Variants in SLC22A3 observed in about 807,000 individuals in gnomAD.
SLC22A3 encodes solute carrier family 22 member 3, also known as EMT organic cation transporter 3.
Under a neutral mutation model 59.1 loss-of-function variants are expected in SLC22A3, and 51 were observed. That is an observed-to-expected ratio of 0.86 (90% CI 0.69 to 1.09). SLC22A3 has a LOEUF of 1.09. Among genes scored for constraint, SLC22A3 ranks in the 50% least tolerant of loss-of-function variants. The pLI, the probability that SLC22A3 is intolerant of heterozygous loss-of-function variation, is 0.00. For synonymous variants in SLC22A3, 325 were observed against 292.0 expected (o/e 1.11, Z -1.15); for missense variants, 711 against 726.3 (o/e 0.98, Z 0.24).
chr6:160,372,912 G>A (rs1439822879), intron 1 of SLC22A3, among the ~76,000 whole-genome samples: 2 of 151,082 alleles, frequency 1.3e-5, no homozygotes, highest in Admixed American at 6.6e-5. Context: ...CTTTTTTCAA[G>A]GTTCTTAGCT....
intron 1 of SLC22A3, among the ~76,000 whole-genome samples, chr6:160,380,567 C>A (rs1475046096): frequency 6.6e-6 from 1 of 152,006 alleles, no homozygotes; most frequent in African/African-American, 2.4e-5. Flanking sequence ...GGCATAAATA[C>A]ATAGACAAAG....
At chr6:160,449,260 G>A (rs1788861389) in intron 10 of SLC22A3, among the ~76,000 whole-genome samples, 1 of 152,078 alleles carries the variant, frequency 6.6e-6, no homozygotes, top group Non-Finnish European at 1.5e-5. Flanking sequence ...GTGGGTGGAA[G>A]GGGGTTGTCT....
rs1788953216 is a variant in SLC22A3, at chr6:160,451,268, A to T, written c.*212A>T. On this transcript the variant is annotated 3_prime_UTR_variant, in exon 11 of 11. Transcript: ENST00000275300. ...GTTGAAGTTTCTGGGAACACATAATATGTAGCCAGTTTAACAAAGAAGCTG... is the reference window on the plus strand; with the variant it reads ...GTTGAAGTTTCTGGGAACACATAATTTGTAGCCAGTTTAACAAAGAAGCTG... The T allele has an allele frequency of 1.8e-6, 1 of 552,050 alleles. No individual in the cohort carries two copies. Among genetic ancestry groups the T allele is most frequent in the Non-Finnish European group, 3.2e-6 (1 of 308,368 alleles). The allele number at this position is 552,050 out of a possible 1,614,324, so 34.2% of individuals were successfully genotyped here.
chr6:160,396,488 A>G (rs1317812635), intron 1 of SLC22A3, among the ~76,000 whole-genome samples: 1 of 152,192 alleles, frequency 6.6e-6, no homozygotes, highest in Non-Finnish European at 1.5e-5. Flanking sequence ...TAAAGAATTG[A>G]GTAACATTTC....
intron 5 of SLC22A3, among the ~76,000 whole-genome samples, chr6:160,428,007 A>C (rs1191265495): frequency 6.6e-6 from 1 of 152,216 alleles, no homozygotes; most frequent in African/African-American, 2.4e-5. Flanking sequence ...CTTTAGAGTT[A>C]GAGTTTTAGA....
At chr6:160,371,662 T>C (rs1360915381) in intron 1 of SLC22A3, among the ~76,000 whole-genome samples, 2 of 152,208 alleles carry the variant, frequency 1.3e-5, no homozygotes, top group Non-Finnish European at 2.9e-5. Context: ...AGCGTGTTTC[T>C]AGTAGAGTGA....
intron 1 of SLC22A3, among the ~76,000 whole-genome samples, chr6:160,372,126 C>T (rs1026971960): frequency 1.4e-4 from 22 of 152,046 alleles, no homozygotes; most frequent in Admixed American, 1.2e-3. Flanking sequence ...TTGTAGGTCT[C>T]GAAGAACTTG....
Position 160,444,441 on chromosome 6 carries a change from C to A in SLC22A3, c.1510+699C>A, listed in dbSNP as rs187321112. 1.9e-4 allele frequency among the ~76,000 whole-genome samples: 29 copies of A among 152,306 alleles called. No homozygotes were observed. In the East Asian group the frequency reaches 5.6e-3, roughly 29 times the overall value. On this transcript the variant is annotated intron_variant, in intron 9 of 10. Coordinates refer to ENST00000275300, the MANE Select transcript of SLC22A3 (RefSeq NM_021977.4). ...TCTCTCTCTATGGATATCATATCTT[C>A]ATTGGCCCGATGCTAAAAATCCATG... is the stretch of plus-strand genomic sequence containing the variant.
chr6:160,381,871 T>C (rs1785810999), intron 1 of SLC22A3, among the ~76,000 whole-genome samples: 1 of 152,210 alleles, frequency 6.6e-6, no homozygotes, highest in African/African-American at 2.4e-5. Context: ...TTCATTTAGT[T>C]ATATTTCTAG....
intron 1 of SLC22A3, among the ~76,000 whole-genome samples, chr6:160,383,770 T>C (rs751052811): frequency 1.3e-5 from 2 of 151,782 alleles, no homozygotes; most frequent in South Asian, 2.1e-4. Context: ...TATCCAACCA[T>C]GGATAGAATA....
chr6:160,391,847 G>C (rs1000482717), intron 1 of SLC22A3, among the ~76,000 whole-genome samples: 4 of 152,126 alleles, frequency 2.6e-5, no homozygotes, highest in African/African-American at 9.7e-5. Flanking sequence ...TATTCAAACA[G>C]ATTTAATACT....
chr6:160,390,448 G>A (rs953666942), intron 1 of SLC22A3, among the ~76,000 whole-genome samples: 1 of 152,134 alleles, frequency 6.6e-6, no homozygotes, highest in Admixed American at 6.5e-5. Flanking sequence ...CTCTTCTCCT[G>A]TGCTCCATCT....
At chr6:160,427,145 A>G (rs1339847335) in intron 5 of SLC22A3, among the ~76,000 whole-genome samples, 1 of 152,120 alleles carries the variant, frequency 6.6e-6, no homozygotes, top group Admixed American at 6.5e-5. Flanking sequence ...AAGCAATGGA[A>G]GAGATGCTTG....
At chr6:160,407,770 C>G (rs2114853368) in intron 3 of SLC22A3, among the ~76,000 whole-genome samples, 1 of 152,246 alleles carries the variant, frequency 6.6e-6, no homozygotes, top group African/African-American at 2.4e-5. Context: ...TCTCATGTCC[C>G]TTGGGAAAGC....
At chr6:160,371,535 G>A (rs1045952474) in intron 1 of SLC22A3, among the ~76,000 whole-genome samples, 1 of 152,188 alleles carries the variant, frequency 6.6e-6, no homozygotes, top group Non-Finnish European at 1.5e-5. Context: ...TGGCTGCATA[G>A]TATTCCATGG....
chr6:160,389,673 C>G (rs560798249), intron 1 of SLC22A3, among the ~76,000 whole-genome samples: 29 of 152,312 alleles, frequency 1.9e-4, no homozygotes, highest in African/African-American at 6.7e-4. Flanking sequence ...TGATACTACA[C>G]CCAGATGGTC....
chr6:160,367,691 A>G (rs1455288394), intron 1 of SLC22A3, among the ~76,000 whole-genome samples: 1 of 152,112 alleles, frequency 6.6e-6, no homozygotes, highest in Admixed American at 6.5e-5. Flanking sequence ...AAATGCACTA[A>G]TATGCTCATT....
rs452131 is a variant in SLC22A3 at position 160,398,839 on chromosome 6, T to C, written c.533+757T>C. On this transcript the variant is annotated intron_variant, in intron 2 of 10. Coordinates refer to ENST00000275300, the MANE Select transcript of SLC22A3 (RefSeq NM_021977.4). ...AGACTGGAAATTGCTGACTCATGGC[T>C]GTATCTGGCCTAATATTGTTCTGGT... Among the ~76,000 whole-genome samples the C allele has an allele frequency of 5.2e-3, 797 of 152,288 alleles. 12 individuals carry two copies. In the East Asian group the frequency reaches 0.062, roughly 12 times the overall value.
intron 1 of SLC22A3, among the ~76,000 whole-genome samples, chr6:160,384,560 A>G (rs1005255210): frequency 1.3e-5 from 2 of 152,160 alleles, no homozygotes; most frequent in African/African-American, 4.8e-5. Context: ...AGGTGTTTCT[A>G]AGCCAGGGGA....
Sources: gnomAD v4.1 joint callset for allele counts (sites outside exome capture counted in the v4.1 genomes callset) on GRCh38, gnomAD v4.1.1 for gene constraint, MANE v1.5 for transcripts, NCBI Gene and HGNC (gene_info 2026-07-23, HGNC 2026-07-21) for gene names.